PIGU: variants seen among roughly 807,000 people sequenced by gnomAD.
PIGU encodes the protein GPI-anchor transamidase component PIGU.
In PIGU, 24 loss-of-function variants were observed where a neutral mutation model predicts 49.9. The observed-to-expected ratio is 0.48, with a 90% confidence interval of 0.35 to 0.68. The LOEUF (loss-of-function observed/expected upper bound fraction) is 0.68. Ranked by LOEUF, PIGU falls within the 30% of genes least tolerant of loss-of-function variation. The pLI is 0.01. For synonymous variants in PIGU, 220 were observed against 205.7 expected (o/e 1.07, Z -0.59); for missense variants, 490 against 532.6 (o/e 0.92, Z 0.79).
intron 11 of PIGU, among the ~76,000 whole-genome samples, chr20:34,572,925 A>G (rs1983073387): frequency 6.6e-6 from 1 of 152,262 alleles, no homozygotes; most frequent in African/African-American, 2.4e-5. Flanking sequence ...GCAAAGACAC[A>G]TACCAAACTG....
chr20:34,588,200 G>A (rs890482855), intron 8 of PIGU, among the ~76,000 whole-genome samples: 50 of 152,138 alleles, frequency 3.3e-4, no homozygotes, highest in East Asian at 1.2e-3. Context: ...TGCAGTGAGC[G>A]GAGATGGCCC....
chr20:34,576,596 T>G (rs1477000852), intron 10 of PIGU, among the ~76,000 whole-genome samples: 2 of 152,178 alleles, frequency 1.3e-5, no homozygotes, highest in Non-Finnish European at 2.9e-5. Flanking sequence ...CCTTCTCTTC[T>G]GCCTCCCTCT....
intron 11 of PIGU, among the ~76,000 whole-genome samples, chr20:34,564,586 T>C (rs1384375374): frequency 1.3e-5 from 2 of 152,200 alleles, no homozygotes; most frequent in African/African-American, 2.4e-5. Context: ...CTTTGGCAAA[T>C]GTACACAAAA....
chr20:34,575,836 T>C (rs1487563047), intron 10 of PIGU, among the ~76,000 whole-genome samples: 3 of 152,176 alleles, frequency 2.0e-5, no homozygotes, highest in African/African-American at 7.2e-5. Context: ...TCTCACTCCT[T>C]GCCTCTAAGG....
intron 5 of PIGU, 62 bp from the exon 6 acceptor site, chr20:34,634,777 G>T: frequency 6.3e-7 from 1 of 1,575,414 alleles, no homozygotes; most frequent in Non-Finnish European, 8.6e-7. Flanking sequence ...CGCCATTACA[G>T]CAAGGAAGTT....
chr20:34,560,987 G>C lies in PIGU; in HGVS notation c.1195-8C>G. ...ATCAGAGATGAGCAGGATCTGGGGG[G>C]AGAGAGAGGGTGTGAGGCGCTGCTG... is the stretch of plus-strand genomic sequence containing the variant. On this transcript the variant is annotated splice_region_variant and splice_polypyrimidine_tract_variant and intron_variant, in intron 11 of 11. Coordinates refer to ENST00000217446, the MANE Select transcript of PIGU (RefSeq NM_080476.5). The C allele has an allele frequency of 1.3e-6, 2 of 1,579,340 alleles. No homozygotes were observed. Among genetic ancestry groups the C allele is most frequent in the Non-Finnish European group, 1.7e-6 (2 of 1,150,444 alleles).
chr20:34,635,121 T>C (rs1176915250), intron 5 of PIGU, among the ~76,000 whole-genome samples: 1 of 152,250 alleles, frequency 6.6e-6, no homozygotes, highest in Non-Finnish European at 1.5e-5. Context: ...GCTCTATAAA[T>C]GTTCATTTTA....
intron 1 of PIGU, among the ~76,000 whole-genome samples, chr20:34,663,764 C>T (rs1986997163): frequency 6.6e-6 from 1 of 152,074 alleles, no homozygotes. Flanking sequence ...TACTGGAGAC[C>T]CAAGGAGATA....
At chr20:34,581,020 A>G (rs114229502) in intron 10 of PIGU, among the ~76,000 whole-genome samples, 186 of 152,310 alleles carry the variant, frequency 1.2e-3, no homozygotes, top group African/African-American at 4.1e-3. Context: ...GCCTAGCTAC[A>G]TGTGGCTTCT....
intron 10 of PIGU, among the ~76,000 whole-genome samples, chr20:34,578,594 C>T (rs1363494900): frequency 1.3e-5 from 2 of 152,236 alleles, no homozygotes; most frequent in African/African-American, 4.8e-5. Flanking sequence ...ACGAGAGAAG[C>T]TCACTGGCAG....
intron 4 of PIGU, among the ~76,000 whole-genome samples, chr20:34,640,506 C>CAA (rs1438849048): frequency 2.0e-5 from 2 of 100,166 alleles, no homozygotes; most frequent in Non-Finnish European, 4.8e-5. Context: ...CGCGCACACA[C>CAA]ACACACACAC....
rs186446937 is a variant in PIGU, at chr20:34,628,794, T to C, written c.529+5821A>G. On this transcript the variant is annotated intron_variant, in intron 6 of 11. Transcript: ENST00000217446. ...TGAACCCAGGAGGCAGAGGTTGCAATGAACTGAGATCATGTCACTGCACTC... is the reference window on the plus strand; with the variant it reads ...TGAACCCAGGAGGCAGAGGTTGCAACGAACTGAGATCATGTCACTGCACTC... Among the ~76,000 whole-genome samples the C allele has an allele frequency of 5.9e-5, 9 of 152,280 alleles. No individual in the cohort carries two copies. In the East Asian group the frequency reaches 7.7e-4, roughly 13 times the overall value.
At chr20:34,566,319 G>A (rs1470974184) in intron 11 of PIGU, among the ~76,000 whole-genome samples, 2 of 152,248 alleles carry the variant, frequency 1.3e-5, no homozygotes, top group Admixed American at 6.5e-5. Flanking sequence ...GCCCGGCACA[G>A]GGCCAGCTCT....
chr20:34,659,440 C>T (rs1986858095), intron 1 of PIGU, among the ~76,000 whole-genome samples: 1 of 149,896 alleles, frequency 6.7e-6, no homozygotes, highest in Non-Finnish European at 1.5e-5. Flanking sequence ...GGGGGTCAGC[C>T]CCCGGCCCGG....
intron 7 of PIGU, among the ~76,000 whole-genome samples, chr20:34,611,213 T>G (rs1984799380): frequency 6.6e-6 from 1 of 152,134 alleles, no homozygotes; most frequent in Non-Finnish European, 1.5e-5. Flanking sequence ...TGGGATCTAA[T>G]TAAACTAAAG....
chr20:34,638,763 G>A (rs777166962), intron 4 of PIGU, among the ~76,000 whole-genome samples: 30 of 152,290 alleles, frequency 2.0e-4, no homozygotes, highest in Non-Finnish European at 4.3e-4. Flanking sequence ...AGTGGGATGG[G>A]GGTGGAAAGC....
At chr20:34,594,400 C>T (rs958679501) in intron 7 of PIGU, among the ~76,000 whole-genome samples, 25 of 151,984 alleles carry the variant, frequency 1.6e-4, no homozygotes, top group African/African-American at 5.6e-4. Context: ...TACTACACAG[C>T]CTTAAAAAAG....
chr20:34,618,093 C>CA (rs747217514), intron 6 of PIGU, among the ~76,000 whole-genome samples: 353 of 151,448 alleles, frequency 2.3e-3, no homozygotes, highest in Non-Finnish European at 3.3e-3. Context: ...CTCGGACTAC[C>CA]AAAAAAAATA....
chr20:34,598,360 GAT>G (rs1446610199), intron 7 of PIGU, among the ~76,000 whole-genome samples: 1 of 152,176 alleles, frequency 6.6e-6, no homozygotes, highest in Non-Finnish European at 1.5e-5. Flanking sequence ...AGTGGTATAA[GAT>G]AAGCATAGAG....
Sources: gnomAD v4.1 joint callset for allele counts (sites outside exome capture counted in the v4.1 genomes callset) on GRCh38, gnomAD v4.1.1 for gene constraint, MANE v1.5 for transcripts, NCBI Gene and HGNC (gene_info 2026-07-23, HGNC 2026-07-21) for gene names.